Variants in CNTNAP2 observed in about 807,000 individuals in gnomAD.
CNTNAP2 encodes the protein contactin-associated protein-like 2.
A neutral mutation model predicts 155.2 loss-of-function variants in CNTNAP2; 98 were observed. The observed-to-expected ratio is 0.63, with a 90% CI of 0.54 to 0.75. CNTNAP2 has a LOEUF of 0.75. CNTNAP2 is among the 30% of genes least tolerant of loss of function. The pLI, the probability that CNTNAP2 is intolerant of heterozygous loss-of-function variation, is 0.00. For synonymous variants in CNTNAP2, 651 were observed against 631.2 expected (o/e 1.03, Z -0.47); for missense variants, 1,727 against 1,688.1 (o/e 1.02, Z -0.40).
chr7:147,100,137 TG>T (rs1045080010), intron 4 of CNTNAP2, among the ~76,000 whole-genome samples: 2 of 152,034 alleles, frequency 1.3e-5, no homozygotes, highest in Non-Finnish European at 2.9e-5. Context: ...TGTATGTGTA[TG>T]GGGGGTGTAT....
chr7:147,125,917 G>A (rs544552068), intron 6 of CNTNAP2, among the ~76,000 whole-genome samples: 16 of 152,238 alleles, frequency 1.1e-4, no homozygotes, highest in African/African-American at 3.4e-4. Context: ...GCTGCTCCAC[G>A]ATCTTCAAGA....
chr7:146,474,999 A>ACC (rs1796854269), intron 1 of CNTNAP2, among the ~76,000 whole-genome samples: 1 of 138,510 alleles, frequency 7.2e-6, no homozygotes, highest in African/African-American at 2.6e-5. Flanking sequence ...ACGAGCGCGC[A>ACC]CGCGCGCGCG....
At chr7:146,173,560 A>G (rs888886345) in intron 1 of CNTNAP2, among the ~76,000 whole-genome samples, 1 of 152,164 alleles carries the variant, frequency 6.6e-6, no homozygotes. Context: ...GTGATGCTAT[A>G]TGCCATATGT....
intron 3 of CNTNAP2, among the ~76,000 whole-genome samples, chr7:146,904,226 C>T (rs1796067924): frequency 6.6e-6 from 1 of 152,064 alleles, no homozygotes; most frequent in African/African-American, 2.4e-5. Context: ...GCATAGCAAG[C>T]ACACCTCTGC....
intron 8 of CNTNAP2, among the ~76,000 whole-genome samples, chr7:147,222,811 G>GTTTTTTTTTTTTTTTTTTT: frequency 1.2e-5 from 1 of 81,922 alleles, no homozygotes; most frequent in Non-Finnish European, 2.4e-5. Context: ...GTTTCTCAGG[G>GTTTTTTTTTTTTTTTTTTT]TTTTTTTTTT....
chr7:146,254,381 C>A (rs1182936627), intron 1 of CNTNAP2, among the ~76,000 whole-genome samples: 2 of 152,196 alleles, frequency 1.3e-5, no homozygotes. Context: ...TAGAATAGTT[C>A]TTGGCACATG....
At chr7:147,029,987 G>A (rs1227452625) in intron 3 of CNTNAP2, among the ~76,000 whole-genome samples, 1 of 152,086 alleles carries the variant, frequency 6.6e-6, no homozygotes, top group East Asian at 1.9e-4. Flanking sequence ...CATCATATTT[G>A]CTGCCATTAA....
intron 6 of CNTNAP2, among the ~76,000 whole-genome samples, chr7:147,124,876 CTTTTTTTTTTTTTTT>C (rs371912854): frequency 1.2e-5 from 1 of 80,070 alleles, no homozygotes; most frequent in Admixed American, 1.7e-4. Context: ...CCTTTTTTTC[CTTTTTTTTTTTTTTT>C]TTTTTTTTGA....
chr7:146,804,085 C>A (rs1802926442), intron 2 of CNTNAP2, among the ~76,000 whole-genome samples: 1 of 152,218 alleles, frequency 6.6e-6, no homozygotes, highest in Non-Finnish European at 1.5e-5. Context: ...CACCTGCCTA[C>A]ACCTTGTGAC....
chr7:146,821,461 A>G (rs1370120730), intron 2 of CNTNAP2, among the ~76,000 whole-genome samples: 8 of 152,120 alleles, frequency 5.3e-5, no homozygotes, highest in Non-Finnish European at 8.8e-5. Context: ...TGGGTTGAAA[A>G]TTCTTTTCTT....
At chr7:147,925,382 T>C (rs2116789263) in intron 14 of CNTNAP2, among the ~76,000 whole-genome samples, 1 of 152,006 alleles carries the variant, frequency 6.6e-6, no homozygotes, top group Non-Finnish European at 1.5e-5. Context: ...GTTATACTCA[T>C]GAACCTACAT....
At chr7:148,330,733 G>A (rs1181302075) in intron 21 of CNTNAP2, among the ~76,000 whole-genome samples, 59 of 150,840 alleles carry the variant, frequency 3.9e-4, no homozygotes, top group Non-Finnish European at 7.1e-4. Flanking sequence ...GGGAATGGAT[G>A]GATGGATGGA....
chr7:147,600,183 T>G, intron 12 of CNTNAP2, among the ~76,000 whole-genome samples: 1 of 152,212 alleles, frequency 6.6e-6, no homozygotes, highest in Non-Finnish European at 1.5e-5. Flanking sequence ...TCTCATAACT[T>G]GATCACTCCT....
chr7:146,413,747 C>G (rs1795898831), intron 1 of CNTNAP2, among the ~76,000 whole-genome samples: 1 of 152,148 alleles, frequency 6.6e-6, no homozygotes. Flanking sequence ...ATGAATTACA[C>G]TCATAATTTT....
chr7:147,913,820 C>T (rs899579928), intron 14 of CNTNAP2, among the ~76,000 whole-genome samples: 1 of 152,082 alleles, frequency 6.6e-6, no homozygotes, highest in African/African-American at 2.4e-5. Flanking sequence ...AATCAGGGGA[C>T]CCAAGCAAGC....
intron 21 of CNTNAP2, among the ~76,000 whole-genome samples, chr7:148,331,561 G>A (rs1241981692): frequency 8.5e-4 from 54 of 63,394 alleles, no homozygotes; most frequent in Non-Finnish European, 1.2e-3. Flanking sequence ...TGGAATGGAC[G>A]GATGGAGTGG....
chr7:147,733,792 G>A (rs1796788912), intron 13 of CNTNAP2, among the ~76,000 whole-genome samples: 1 of 152,160 alleles, frequency 6.6e-6, no homozygotes, highest in South Asian at 2.1e-4. Context: ...TTGTGAATGG[G>A]AATTTACTTG....
intron 1 of CNTNAP2, among the ~76,000 whole-genome samples, chr7:146,519,584 G>C (rs1257497176): frequency 6.6e-6 from 1 of 151,830 alleles, no homozygotes; most frequent in Non-Finnish European, 1.5e-5. Context: ...AGTTCTCTTT[G>C]CTTTTTGAGA....
intron 8 of CNTNAP2, among the ~76,000 whole-genome samples, chr7:147,208,609 T>C (rs1803070579): frequency 6.6e-6 from 1 of 152,032 alleles, no homozygotes; most frequent in African/African-American, 2.4e-5. Flanking sequence ...TGAAGCCATA[T>C]AAATTCTGGG....
Sources: gnomAD v4.1 joint callset for allele counts (sites outside exome capture counted in the v4.1 genomes callset) on GRCh38, gnomAD v4.1.1 for gene constraint, MANE v1.5 for transcripts, NCBI Gene and HGNC (gene_info 2026-07-23, HGNC 2026-07-21) for gene names.